The following TMEM132B variants were observed in gnomAD, a reference collection of about 807,000 sequenced individuals.
TMEM132B encodes transmembrane protein 132B.
In TMEM132B, 18 loss-of-function variants were observed where a neutral mutation model predicts 90.8. The observed-to-expected ratio is 0.20, with a 90% CI of 0.14 to 0.29. TMEM132B has a LOEUF of 0.29. Among genes scored for constraint, TMEM132B ranks in the 10% least tolerant of loss-of-function variants. TMEM132B has a pLI of 1.00. For synonymous variants in TMEM132B, 504 were observed against 523.3 expected, an observed-to-expected ratio of 0.96 and a Z score of 0.50; for missense variants, 1,096 against 1,326.8, an observed-to-expected ratio of 0.83 and a Z score of 2.70.
intron 3 of TMEM132B, among the ~76,000 whole-genome samples, chr12:125,484,921 C>T (rs1882162199): frequency 6.6e-6 from 1 of 151,768 alleles, no homozygotes; most frequent in Non-Finnish European, 1.5e-5. Flanking sequence ...TATTTTTTTT[C>T]CACCTTTTCT....
intron 1 of TMEM132B, among the ~76,000 whole-genome samples, chr12:125,288,054 A>G (rs1236597135): frequency 2.0e-5 from 3 of 151,870 alleles, no homozygotes; most frequent in Non-Finnish European, 4.4e-5. Flanking sequence ...TGGTATTTTT[A>G]GTAGAGACGG....
intron 1 of TMEM132B, among the ~76,000 whole-genome samples, chr12:125,338,171 C>T (rs2136216216): frequency 6.6e-6 from 1 of 152,308 alleles, no homozygotes; most frequent in East Asian, 1.9e-4. Context: ...CTGCCATGTA[C>T]TTCTCTTTTC....
chr12:125,376,557 C>G (rs1404961313), intron 2 of TMEM132B, among the ~76,000 whole-genome samples: 1 of 152,184 alleles, frequency 6.6e-6, no homozygotes, highest in Non-Finnish European at 1.5e-5. Context: ...GGGCTCGGGG[C>G]TATTTAAACT....
intron 1 of TMEM132B, among the ~76,000 whole-genome samples, chr12:125,265,134 TA>T (rs1160907276): frequency 6.6e-6 from 1 of 152,202 alleles, no homozygotes; most frequent in Non-Finnish European, 1.5e-5. Context: ...ACATGTATAG[TA>T]AAAATATAGT....
chr12:125,200,969 G>A (rs1186642309), intron 1 of TMEM132B, among the ~76,000 whole-genome samples: 1 of 152,200 alleles, frequency 6.6e-6, no homozygotes, highest in Non-Finnish European at 1.5e-5. Context: ...CACCGTCTAA[G>A]TTCTCTGGTC....
intron 1 of TMEM132B, among the ~76,000 whole-genome samples, chr12:125,211,686 A>G (rs1323093332): frequency 6.6e-6 from 1 of 152,220 alleles, no homozygotes; most frequent in Non-Finnish European, 1.5e-5. Context: ...CCCGCTGCAC[A>G]CGGTTCACCT....
intron 4 of TMEM132B, among the ~76,000 whole-genome samples, chr12:125,552,282 C>T (rs2136763346): frequency 6.6e-6 from 1 of 152,320 alleles, no homozygotes; most frequent in Non-Finnish European, 1.5e-5. Flanking sequence ...GAGAACCAAG[C>T]TTGTGTTCTT....
chr12:125,290,730 G>C (rs537457386), intron 1 of TMEM132B, among the ~76,000 whole-genome samples: 1 of 152,158 alleles, frequency 6.6e-6, no homozygotes, highest in African/African-American at 2.4e-5. Flanking sequence ...GCTGCTTGCT[G>C]TTTCTTGCCA....
rs115457154 is a variant in TMEM132B at position 125,197,661 on chromosome 12, G to T, written c.67+10795G>T. ...GCCTAAATAACCTGTCTGCTCTCTG[G>T]TCTGGTCCTTTTAAAGACAAAATTT... On this transcript the variant is annotated intron_variant, in intron 1 of 8. Transcript: ENST00000682704. Among the ~76,000 whole-genome samples the T allele has an allele frequency of 4.7e-3, 710 of 152,312 alleles. 2 individuals are homozygous for T. The highest frequency in any genetic ancestry group is 0.017 in the African/African-American group (694 of 41,568).
chr12:125,526,464 G>C (rs1302927108), intron 4 of TMEM132B, among the ~76,000 whole-genome samples: 1 of 152,186 alleles, frequency 6.6e-6, no homozygotes, highest in Non-Finnish European at 1.5e-5. Flanking sequence ...GGGGAATGAG[G>C]GTCTGGCCTT....
intron 1 of TMEM132B, among the ~76,000 whole-genome samples, chr12:125,230,566 C>T (rs1438834645): frequency 2.3e-4 from 35 of 151,988 alleles, no homozygotes; most frequent in African/African-American, 7.5e-4. Flanking sequence ...CTGCAAGCTC[C>T]GCCTCCTGGG....
chr12:125,262,246 A>C (rs796472979), intron 1 of TMEM132B, among the ~76,000 whole-genome samples: 45 of 53,034 alleles, frequency 8.5e-4, no homozygotes, highest in African/African-American at 4.4e-3. Context: ...CTGTTTCTAC[A>C]AAAAAAAAAA....
At chr12:125,522,379 G>T (rs144854196) in intron 4 of TMEM132B, among the ~76,000 whole-genome samples, 4 of 152,202 alleles carry the variant, frequency 2.6e-5, no homozygotes, top group Admixed American at 6.5e-5. Context: ...GTGAGGGATT[G>T]GTTAGTTAGA....
intron 2 of TMEM132B, among the ~76,000 whole-genome samples, chr12:125,351,200 C>T (rs1211857176): frequency 1.3e-5 from 2 of 152,226 alleles, no homozygotes; most frequent in Non-Finnish European, 2.9e-5. Flanking sequence ...GATGTCTCAA[C>T]TCTGCTGTTG....
At chr12:125,326,700 T>G in intron 1 of TMEM132B, 1 of 1,600,504 alleles carries the variant, frequency 6.2e-7, no homozygotes, top group South Asian at 1.1e-5. Flanking sequence ...AATGGCCTGG[T>G]GCAACCAGGA....
intron 1 of TMEM132B, among the ~76,000 whole-genome samples, chr12:125,324,163 T>A (rs394459): frequency 0.031 from 4,715 of 152,186 alleles, 235 homozygotes; most frequent in African/African-American, 0.11. Context: ...CAAATCTCTG[T>A]TCAATAACTT....
intron 6 of TMEM132B, among the ~76,000 whole-genome samples, chr12:125,647,196 C>A (rs531490458): frequency 6.6e-6 from 1 of 152,038 alleles, no homozygotes; most frequent in Admixed American, 6.6e-5. Context: ...AAAAAGGGAA[C>A]GGAGCATCAG....
chr12:125,452,679 G>T (rs1277038654), intron 3 of TMEM132B, among the ~76,000 whole-genome samples: 1 of 152,102 alleles, frequency 6.6e-6, no homozygotes, highest in Non-Finnish European at 1.5e-5. Flanking sequence ...TGTGATGAGT[G>T]ACAAAAATAT....
At chr12:125,296,453 C>G (rs1441465918) in intron 1 of TMEM132B, among the ~76,000 whole-genome samples, 2 of 152,172 alleles carry the variant, frequency 1.3e-5, no homozygotes, top group Non-Finnish European at 2.9e-5. Context: ...TGCCCAGATC[C>G]CGCCTCCCAG....
Sources: allele counts gnomAD v4.1 joint callset (sites outside exome capture counted in the v4.1 genomes callset), GRCh38; gene constraint gnomAD v4.1.1; transcripts MANE v1.5; gene names NCBI Gene and HGNC (gene_info 2026-07-23, HGNC 2026-07-21).